Variants in RASAL2 observed in about 807,000 individuals in gnomAD.
The protein encoded by RASAL2 is ras GTPase-activating protein nGAP.
Under a neutral mutation model 128.9 loss-of-function variants are expected in RASAL2, and 58 were observed. The observed-to-expected ratio is 0.45, with a 90% CI of 0.36 to 0.56. The LOEUF (loss-of-function observed/expected upper bound fraction) is 0.56. Ranked by LOEUF, RASAL2 falls within the 20% of genes least tolerant of loss-of-function variation. The pLI is 0.00. For missense variants in RASAL2, 1,360 were observed against 1,601.6 expected (o/e 0.85, Z 2.57); for synonymous variants, 561 against 580.8 (o/e 0.97, Z 0.49).
intron 3 of RASAL2, among the ~76,000 whole-genome samples, chr1:178,336,189 T>C (rs1053637199): frequency 3.2e-5 from 4 of 124,644 alleles, no homozygotes; most frequent in African/African-American, 1.5e-4. Context: ...TTTTTCTTCC[T>C]TTTTTTTTTT....
chr1:178,467,348 A>C lies in RASAL2; in HGVS notation c.3605A>C (p.Glu1202Ala). The change falls in exon 17 of 18, where the codon GAA (glutamate) becomes GCA (alanine). Residue 1202 changes from glutamate to alanine, a missense_variant. By Grantham distance (107) the Glu-to-Ala change is moderately radical. Transcript: ENST00000367649. ...CCACATTCTAGGCTAATGGCTGTGGAAGAGGAACTGAAGAAGGATCATGCT... is the reference window on the plus strand; with the variant it reads ...CCACATTCTAGGCTAATGGCTGTGGCAGAGGAACTGAAGAAGGATCATGCT... Reference protein sequence around the residue: ...KSIISRLMAVEEELKKDHAEM... With the variant: ...KSIISRLMAVAEELKKDHAEM... The C allele has an allele frequency of 6.2e-7, 1 of 1,614,042 alleles. No homozygotes were observed. The highest frequency in any genetic ancestry group is 8.5e-7 in the Non-Finnish European group (1 of 1,179,916).
intron 1 of RASAL2, among the ~76,000 whole-genome samples, chr1:178,120,608 C>T (rs1275000188): frequency 6.6e-6 from 1 of 152,236 alleles, no homozygotes; most frequent in Non-Finnish European, 1.5e-5. Flanking sequence ...TTAATTGTCA[C>T]TTGCCACTTA....
In RASAL2 at chr1:178,390,127, G is replaced by A. The variant is rs775050848; in HGVS notation, c.485G>A (p.Arg162Lys). The change falls in exon 4 of 18, where the codon AGA becomes AAA. Residue 162 changes from arginine to lysine, a missense_variant. By Grantham distance (26) the Arg-to-Lys change is conservative. Transcript: ENST00000367649. ...GTACCAGCAGAAAGGTCCCCTCGTA[G>A]ACGGAGTATCTCAGGGACCAGTACA... Reference protein sequence around the residue: ...LEVPAERSPRRRSISGTSTSE... With the variant: ...LEVPAERSPRKRSISGTSTSE... 1.2e-6 allele frequency: 2 copies of A among 1,612,400 alleles called. No individual in the cohort carries two copies. Among genetic ancestry groups the A allele is most frequent in the South Asian group, 2.2e-5 (2 of 90,714 alleles).
At chr1:178,446,430 T>C (rs1677001240) in intron 9 of RASAL2, among the ~76,000 whole-genome samples, 1 of 152,224 alleles carries the variant, frequency 6.6e-6, no homozygotes, top group Non-Finnish European at 1.5e-5. Context: ...AGTCACAGTA[T>C]TAAAAAGGAT....
In RASAL2 at chr1:178,389,380, CACT is replaced by C. The variant is rs200229308; in HGVS notation, c.458-719_458-717del. The stretch of plus-strand genomic sequence containing the variant: ...TATATATACACATGTATATATATAT[CACT>C]CTATGAAAAAATCTTAAAAATGTAG... On this transcript the variant is annotated intron_variant, in intron 3 of 17. Coordinates refer to ENST00000367649, the MANE Select transcript of RASAL2 (RefSeq NM_170692.4). 4.7e-5 allele frequency: 26 copies of C among 550,608 alleles called. No individual in the cohort carries two copies. The East Asian group carries it at 1.9e-3, about 40-fold the overall frequency. The allele number at this position is 550,608 out of a possible 1,614,324, so 34.1% of individuals were successfully genotyped here.
chr1:178,328,957 C>T (rs766136666), intron 3 of RASAL2, among the ~76,000 whole-genome samples: 6 of 152,160 alleles, frequency 3.9e-5, no homozygotes, highest in Non-Finnish European at 7.4e-5. Context: ...TTCAGAGCCC[C>T]GCAGAGTGAT....
intron 3 of RASAL2, among the ~76,000 whole-genome samples, chr1:178,339,100 G>A (rs188673386): frequency 6.6e-6 from 1 of 152,206 alleles, no homozygotes; most frequent in Non-Finnish European, 1.5e-5. Context: ...AGGGGCCATA[G>A]CATATCTATT....
At chr1:178,348,075 A>G (rs750971003) in intron 3 of RASAL2, among the ~76,000 whole-genome samples, 19 of 152,224 alleles carry the variant, frequency 1.2e-4, no homozygotes, top group Non-Finnish European at 2.1e-4. Flanking sequence ...TTCCATTTAT[A>G]TAGAGTTCAG....
intron 1 of RASAL2, among the ~76,000 whole-genome samples, chr1:178,250,078 TTGAGTATTGTG>T (rs1664970045): frequency 6.6e-6 from 1 of 152,146 alleles, no homozygotes; most frequent in African/African-American, 2.4e-5. Context: ...TTAGCAGAGC[TTGAGTATTGTG>T]CTGGAAGGGC....
rs1348872756 is a variant in RASAL2, at chr1:178,473,929, A to G, written c.*690A>G. The G allele has an allele frequency of 1.3e-5, 2 of 152,376 alleles. No homozygotes were observed. Among genetic ancestry groups the G allele is most frequent in the African/African-American group, 4.8e-5 (2 of 41,464 alleles). 9.4% of individuals were successfully genotyped at this position (152,376 alleles called of 1,614,324 possible). A position where few individuals can be genotyped will look rare whatever the true frequency, so the allele number is the denominator to read the frequency against. ...TGGACTTTAGGAGTAATTTCTATTG[A>G]ACTCCTGTCAATATGTTTATTTCCT... is the stretch of plus-strand genomic sequence containing the variant. On this transcript the variant is annotated 3_prime_UTR_variant, in exon 18 of 18. Transcript: ENST00000367649.
chr1:178,211,530 C>T (rs963478396), intron 1 of RASAL2, among the ~76,000 whole-genome samples: 2 of 152,136 alleles, frequency 1.3e-5, no homozygotes, highest in African/African-American at 4.8e-5. Flanking sequence ...AGTGTTGTCT[C>T]CCATTGCTTC....
At chr1:178,272,591 T>C (rs1425339337) in intron 1 of RASAL2, among the ~76,000 whole-genome samples, 2 of 152,230 alleles carry the variant, frequency 1.3e-5, no homozygotes, top group Non-Finnish European at 2.9e-5. Context: ...ACTCTCACTT[T>C]AGTTCAAGAT....
At chr1:178,129,250 T>C (rs990275874) in intron 1 of RASAL2, among the ~76,000 whole-genome samples, 4 of 152,122 alleles carry the variant, frequency 2.6e-5, no homozygotes, top group Admixed American at 6.5e-5. Flanking sequence ...CCAACACTTA[T>C]TTTTCTGTTA....
chr1:178,426,386 G>A (rs1675515956), intron 5 of RASAL2, among the ~76,000 whole-genome samples: 1 of 152,052 alleles, frequency 6.6e-6, no homozygotes, highest in African/African-American at 2.4e-5. Flanking sequence ...TGAAGTGGGA[G>A]GATCACTTTA....
At chr1:178,224,779 C>A (rs1415193756) in intron 1 of RASAL2, among the ~76,000 whole-genome samples, 1 of 152,112 alleles carries the variant, frequency 6.6e-6, no homozygotes, top group Non-Finnish European at 1.5e-5. Context: ...TAGGAAGTGA[C>A]AACAGACTAT....
intron 1 of RASAL2, among the ~76,000 whole-genome samples, chr1:178,096,608 T>A (rs1658696648): frequency 6.6e-6 from 1 of 151,984 alleles, no homozygotes; most frequent in African/African-American, 2.4e-5. Flanking sequence ...TCTGCGTGGT[T>A]CAATTGATGT....
intron 9 of RASAL2, 67 bp from the exon 10 acceptor site, chr1:178,451,503 TA>T: frequency 6.8e-7 from 1 of 1,473,710 alleles, no homozygotes; most frequent in Non-Finnish European, 9.1e-7. Context: ...ACAGAAATCA[TA>T]AGTCCTTTTA....
intron 14 of RASAL2, among the ~76,000 whole-genome samples, chr1:178,460,584 A>G (rs1678120163): frequency 1.3e-5 from 2 of 152,194 alleles, no homozygotes; most frequent in South Asian, 4.1e-4. Flanking sequence ...TTTGTGTCAC[A>G]GCCATTAATG....
chr1:178,454,196 TAAAAAAA>T (rs56786408), intron 11 of RASAL2, among the ~76,000 whole-genome samples: 1 of 80,234 alleles, frequency 1.2e-5, no homozygotes, highest in Non-Finnish European at 3.1e-5. Context: ...ATCCCAGAAC[TAAAAAAA>T]AAAAAAAAAA....
Sources: gnomAD v4.1 joint callset for allele counts (sites outside exome capture counted in the v4.1 genomes callset) on GRCh38, gnomAD v4.1.1 for gene constraint, MANE v1.5 for transcripts, NCBI Gene and HGNC (gene_info 2026-07-23, HGNC 2026-07-21) for gene names.